The following RAD51D variants were observed in gnomAD, a reference collection of about 807,000 sequenced individuals.
RAD51D encodes the protein DNA repair protein RAD51 homolog 4.
In RAD51D, 38 loss-of-function variants were observed where a neutral mutation model predicts 44.1. That is an observed-to-expected ratio of 0.86 (90% confidence interval 0.67 to 1.13). RAD51D has a LOEUF of 1.13. Ranked by LOEUF, RAD51D falls within the 50% of genes most tolerant of loss-of-function variation. The pLI is 0.00. For missense variants in RAD51D, 390 were observed against 414.0 expected, an observed-to-expected ratio of 0.94 and a Z score of 0.50; for synonymous variants, 141 against 166.6, an observed-to-expected ratio of 0.85 and a Z score of 1.18.
intron 8 of RAD51D, among the ~76,000 whole-genome samples, chr17:35,102,556 G>A (rs1171443176): frequency 6.6e-6 from 1 of 151,522 alleles, no homozygotes; most frequent in African/African-American, 2.4e-5. Flanking sequence ...CTTGAGCCTG[G>A]AAGGTCGAGC....
Position 35,093,204 on chromosome 17 carries a change from A to G in RAD51D, c.*7749T>C, listed in dbSNP as rs2142397888. 6.6e-6 allele frequency: 1 copy of G among 152,278 alleles called. No homozygotes were observed. The highest frequency in any genetic ancestry group is 2.4e-5 in the African/African-American group (1 of 41,552). The allele number at this position is 152,278 out of a possible 1,614,324, so 9.4% of individuals were successfully genotyped here. A position where few individuals can be genotyped will look rare whatever the true frequency, so the allele number is the denominator to read the frequency against. On this transcript the variant is annotated 3_prime_UTR_variant, in exon 10 of 10. Transcript: ENST00000345365. ...TGTTTTACATAAGTTACATGATCCT[A>G]AAACAACTCTATGAAACAGATATTA...
rs2091516229 is a variant in RAD51D at position 35,100,050 on chromosome 17, G to C, written c.*903C>G. On this transcript the variant is annotated 3_prime_UTR_variant, in exon 10 of 10. Coordinates refer to ENST00000345365, the MANE Select transcript of RAD51D (RefSeq NM_002878.4). ...ACGTCAGCATCAATTTTCCCAGCTG[G>C]CTCTATTTACTGTGCAAATTCTCCT... is the stretch of plus-strand genomic sequence containing the variant. The C allele has an allele frequency of 1.9e-6, 1 of 532,308 alleles. No homozygotes were observed. Among genetic ancestry groups the C allele is most frequent in the Non-Finnish European group, 3.6e-6 (1 of 275,134 alleles). The allele number at this position is 532,308 out of a possible 1,614,324, so 33.0% of individuals were successfully genotyped here. A position where few individuals can be genotyped will look rare whatever the true frequency, so the allele number is the denominator to read the frequency against.
intron 3 of RAD51D, among the ~76,000 whole-genome samples, chr17:35,111,388 T>C (rs2091674377): frequency 6.9e-6 from 1 of 145,882 alleles, no homozygotes; most frequent in East Asian, 2.1e-4. Flanking sequence ...AGAAACTCCG[T>C]CTAAAAAAAA....
Position 35,100,329 on chromosome 17 carries a change from C to T in RAD51D, c.*624G>A, listed in dbSNP as rs942023677. ...GGAATAAACTGTTCTTTGGGCCTCA[C>T]TGGGGGAAACTGAAAAACAGCCTTC... On this transcript the variant is annotated 3_prime_UTR_variant, in exon 10 of 10. Transcript: ENST00000345365. 4 of 534,254 alleles carry T rather than the reference C, an allele frequency of 7.5e-6. No individual in the cohort carries two copies. The highest frequency in any genetic ancestry group is 1.1e-5 in the Non-Finnish European group (3 of 276,318). The allele number at this position is 534,254 out of a possible 1,614,324, so 33.1% of individuals were successfully genotyped here. A position where few individuals can be genotyped will look rare whatever the true frequency, so the allele number is the denominator to read the frequency against.
In RAD51D at chr17:35,096,796, G is replaced by A. The variant is rs1463035023; in HGVS notation, c.*4157C>T. 3 of 152,326 alleles carry A rather than the reference G, an allele frequency of 2.0e-5. No homozygotes were observed. The highest frequency in any genetic ancestry group is 3.4e-3 in the Middle Eastern group (1 of 294). The allele number at this position is 152,326 out of a possible 1,614,324, so 9.4% of individuals were successfully genotyped here. The stretch of plus-strand genomic sequence containing the variant: ...GGATCACTTGAGCTTGGGAGGTAGA[G>A]GGTACAGTGAGCCGTGATTGTGCCA... On this transcript the variant is annotated 3_prime_UTR_variant, in exon 10 of 10. Coordinates refer to ENST00000345365, the MANE Select transcript of RAD51D (RefSeq NM_002878.4).
At chr17:35,114,043 C>T (rs986942855) in intron 3 of RAD51D, among the ~76,000 whole-genome samples, 14 of 152,180 alleles carry the variant, frequency 9.2e-5, no homozygotes, top group East Asian at 5.8e-4. Context: ...GAGGCCGAGG[C>T]GGGTGGATCA....
Position 35,103,665 on chromosome 17 carries a change from CTGCACGGGCATCACAGAATGT to C in RAD51D, c.577-142_577-122del. The C allele has an allele frequency of 1.4e-6, 1 of 738,750 alleles. No individual in the cohort carries two copies. The highest frequency in any genetic ancestry group is 2.4e-6 in the Non-Finnish European group (1 of 416,222). 45.8% of individuals were successfully genotyped at this position (738,750 alleles called of 1,614,324 possible). A position where few individuals can be genotyped will look rare whatever the true frequency, so the allele number is the denominator to read the frequency against. On this transcript the variant is annotated intron_variant, in intron 6 of 9. Coordinates refer to ENST00000345365, the MANE Select transcript of RAD51D (RefSeq NM_002878.4). The surrounding 1 kb of genome is among the most constrained non-coding windows in gnomAD (Gnocchi z 4.1). ...GCCCCCCCATCCCAAATACAGCAAG[CTGCACGGGCATCACAGAATGT>C]CATCAGCAGCAATGTCTCCCTCGTC... is the stretch of plus-strand genomic sequence containing the variant.
intron 3 of RAD51D, among the ~76,000 whole-genome samples, chr17:35,114,510 T>C (rs1324014179): frequency 6.6e-6 from 1 of 150,946 alleles, no homozygotes; most frequent in African/African-American, 2.4e-5. Context: ...GCAAGACCCC[T>C]GTCTCTACAA....
intron 3 of RAD51D, chr17:35,116,789 C>T (rs1251152214): frequency 1.4e-5 from 18 of 1,264,592 alleles, no homozygotes; most frequent in South Asian, 2.6e-5. Flanking sequence ...CCACTGCGCC[C>T]GGCCTAGAAT....
chr17:35,099,913 T>C lies in RAD51D; in HGVS notation c.*1040A>G, dbSNP rs1434536359. Reference sequence around the variant, plus strand: ...AAGACAGAGGGATTATTTCATACACTAGGGCACTAGCTGTGGTACAGCTGG... The same window carrying C: ...AAGACAGAGGGATTATTTCATACACCAGGGCACTAGCTGTGGTACAGCTGG... On this transcript the variant is annotated 3_prime_UTR_variant, in exon 10 of 10. Transcript: ENST00000345365. 2 of 521,266 alleles carry C rather than the reference T, an allele frequency of 3.8e-6. No individual in the cohort carries two copies. Among genetic ancestry groups the C allele is most frequent in the African/African-American group, 3.8e-5 (2 of 53,120 alleles). 32.3% of individuals were successfully genotyped at this position (521,266 alleles called of 1,614,324 possible).
At chr17:35,114,591 G>A (rs1384897825) in intron 3 of RAD51D, among the ~76,000 whole-genome samples, 53 of 152,140 alleles carry the variant, frequency 3.5e-4, no homozygotes, top group Admixed American at 3.5e-3. Flanking sequence ...TTGGGAGGCT[G>A]AGGCAGGGAG....
intron 3 of RAD51D, chr17:35,116,757 G>C: frequency 1.2e-6 from 1 of 866,622 alleles, no homozygotes; most frequent in Non-Finnish European, 1.9e-6. Context: ...GCCTCCCAAA[G>C]TGCTGTGATC....
chr17:35,113,407 T>C (rs1262046295), intron 3 of RAD51D: 1 of 223,870 alleles, frequency 4.5e-6, no homozygotes, highest in African/African-American at 2.4e-5. Flanking sequence ...TAGCTGGGAT[T>C]ATAGGCACCC....
chr17:35,115,819 G>A (rs979037244), intron 3 of RAD51D, among the ~76,000 whole-genome samples: 1 of 150,648 alleles, frequency 6.6e-6, no homozygotes, highest in African/African-American at 2.4e-5. Context: ...GCAGTGAGCC[G>A]AGATCACGCC....
intron 3 of RAD51D, among the ~76,000 whole-genome samples, chr17:35,108,604 G>A (rs1258328124): frequency 6.6e-6 from 1 of 150,722 alleles, no homozygotes; most frequent in African/African-American, 2.4e-5. Flanking sequence ...AGTGTTCCTA[G>A]CATTCAAGCA....
In RAD51D at chr17:35,098,732, C is replaced by T. The variant is rs891602234; in HGVS notation, c.*2221G>A. On this transcript the variant is annotated 3_prime_UTR_variant, in exon 10 of 10. Transcript: ENST00000345365. ...ATGTGGGAATTAAAAAAAAAAGAGT[C>T]CTAGGAATCAAGTTGTGGGTTCCAG... The T allele has an allele frequency of 6.6e-6, 1 of 152,076 alleles. No individual in the cohort carries two copies. The highest frequency in any genetic ancestry group is 1.5e-5 in the Non-Finnish European group (1 of 68,040). 9.4% of individuals were successfully genotyped at this position (152,076 alleles called of 1,614,324 possible).
At position 35,119,587 on chromosome 17, in the gene RAD51D, G is replaced by T. The variant is rs200487648; in HGVS notation, c.27C>A (p.Cys9Ter). Residue 9 changes from cysteine (C) to a stop codon, truncating the protein, a stop_gained, in exon 1 of 10, where the codon TGC becomes TGA. Coordinates refer to ENST00000345365, the MANE Select transcript of RAD51D (RefSeq NM_002878.4). LOFTEE classifies it high-confidence loss of function. MGVLRVGL[C>*]PGLTEEMIQL... is the part of the protein sequence containing the mutation. ...GGATCATCTCCTCGGTAAGGCCAGG[G>T]CACAGTCCGACCCTGAGCACGCCCA... 2 of 1,612,382 alleles carry T rather than the reference G, an allele frequency of 1.2e-6. No homozygotes were observed. The highest frequency in any genetic ancestry group is 2.2e-5 in the South Asian group (2 of 91,084).
rs763459990 is a variant in RAD51D at position 35,117,506 on chromosome 17, T to C, written c.263+995A>G. On this transcript the variant is annotated intron_variant, in intron 3 of 9. Transcript: ENST00000345365. The stretch of plus-strand genomic sequence containing the variant: ...GTGGCGGGACATAACTGCTCCTTTT[T>C]TTTGAGAGAGTCTCGCTCTGCCACC... Among the ~76,000 whole-genome samples the C allele has an allele frequency of 5.3e-4, 81 of 152,312 alleles. No individual in the cohort carries two copies. The Middle Eastern group carries it at 0.017, about 32-fold the overall frequency.
rs794726988 is a variant in RAD51D at position 35,100,985 on chromosome 17, G to A, written c.955C>T (p.Gln319Ter). ...VDIGTWGTSE[Q>*]SATLQGDQT ...TGATCACCCTGTAATGTGGCACTCT[G>A]CTCTGAGGTCCCCCAGGTCCCAATG... Residue 319 changes from glutamine (Q) to a stop codon, truncating the protein, a stop_gained, in exon 10 of 10, where the codon CAG (glutamine) becomes TAG (stop). Coordinates refer to ENST00000345365, the MANE Select transcript of RAD51D (RefSeq NM_002878.4). LOFTEE classifies it high-confidence loss of function. 3.1e-6 allele frequency: 5 copies of A among 1,613,584 alleles called. No homozygotes were observed. Among genetic ancestry groups the A allele is most frequent in the Non-Finnish European group, 4.2e-6 (5 of 1,179,612 alleles).
Sources: gnomAD v4.1 joint callset for allele counts (sites outside exome capture counted in the v4.1 genomes callset) on GRCh38, gnomAD v4.1.1 for gene constraint, Gnocchi (gnomAD v3.1) non-coding constraint, MANE v1.5 for transcripts, NCBI Gene and HGNC (gene_info 2026-07-23, HGNC 2026-07-21) for gene names.